The following SHISA9 variants were observed in gnomAD, a reference collection of about 807,000 sequenced individuals.
SHISA9 encodes the protein protein shisa-9.
SHISA9 carries 13 observed loss-of-function variants against 38.0 expected under a neutral mutation model. That is an observed-to-expected ratio of 0.34 (90% CI 0.22 to 0.54). SHISA9 has a LOEUF of 0.54. SHISA9 is among the 20% of genes least tolerant of loss of function. The pLI, the probability that SHISA9 is intolerant of heterozygous loss-of-function variation, is 0.91. For missense variants in SHISA9, 538 were observed against 575.8 expected (o/e 0.93, Z 0.67); for synonymous variants, 275 against 242.0 (o/e 1.14, Z -1.27).
chr16:13,131,057 T>C (rs1265500698), intron 2 of SHISA9, among the ~76,000 whole-genome samples: 3 of 152,170 alleles, frequency 2.0e-5, no homozygotes, highest in African/African-American at 4.8e-5. Context: ...AGTGTGGCGA[T>C]TCCTCAGAGA....
the SHISA9 span, among the ~76,000 whole-genome samples, chr16:13,397,538 G>A: frequency 7.2e-5 from 11 of 152,134 alleles, no homozygotes; most frequent in Non-Finnish European, 8.8e-5. Flanking sequence ...GGGTTCAAGC[G>A]ATTCTCCTGC....
chr16:12,914,255 G>A (rs12928961), intron 1 of SHISA9, among the ~76,000 whole-genome samples: 34,514 of 151,490 alleles, frequency 0.23, 4,780 homozygotes, highest in Non-Finnish European at 0.31. Flanking sequence ...CATGTTGGTC[G>A]GGCTGGTCTC....
chr16:13,240,945 G>A (rs554737510), downstream of SHISA9, among the ~76,000 whole-genome samples: 3 of 152,054 alleles, frequency 2.0e-5, no homozygotes, highest in African/African-American at 7.2e-5. Context: ...AATACTGGGA[G>A]GGGGTGGGAG....
At chr16:13,367,703 C>CGTGCGT in the SHISA9 span, among the ~76,000 whole-genome samples, 1 of 120,710 alleles carries the variant, frequency 8.3e-6, no homozygotes, top group South Asian at 2.8e-4. Flanking sequence ...TGCGTGCGCG[C>CGTGCGT]GCGCGCGCGC....
At chr16:13,349,217 G>A in the SHISA9 span, among the ~76,000 whole-genome samples, 1 of 152,192 alleles carries the variant, frequency 6.6e-6, no homozygotes, top group East Asian at 1.9e-4. Flanking sequence ...AGGTTTGCAA[G>A]GCAGCATCGG....
intron 2 of SHISA9, among the ~76,000 whole-genome samples, chr16:13,145,372 A>C (rs1371621454): frequency 1.3e-5 from 2 of 152,086 alleles, no homozygotes; most frequent in East Asian, 3.9e-4. Flanking sequence ...TAAAAATACA[A>C]AAAAATTAGC....
chr16:13,399,460 C>A, the SHISA9 span, among the ~76,000 whole-genome samples: 1 of 152,118 alleles, frequency 6.6e-6, no homozygotes, highest in African/African-American at 2.4e-5. Flanking sequence ...ACTACATGAA[C>A]TTACTGTCCC....
intron 2 of SHISA9, among the ~76,000 whole-genome samples, chr16:13,125,877 G>C (rs139962068): frequency 9.8e-5 from 15 of 152,304 alleles, no homozygotes; most frequent in African/African-American, 3.4e-4. Context: ...GCATTGATCA[G>C]CTCTGAGGCT....
At chr16:13,394,338 C>A in the SHISA9 span, among the ~76,000 whole-genome samples, 1 of 152,148 alleles carries the variant, frequency 6.6e-6, no homozygotes, top group East Asian at 1.9e-4. Flanking sequence ...GAGGTCTTTG[C>A]TATGCAGAAT....
Position 13,212,201 on chromosome 16 carries a change from AC to A in SHISA9, c.848-1051del, listed in dbSNP as rs2051127539. On this transcript the variant is annotated intron_variant, in intron 3 of 4. Coordinates refer to ENST00000558583, the MANE Select transcript of SHISA9 (RefSeq NM_001145204.3). ...GATATATCTCTGGAAATAGTGCCAA[AC>A]TGTTGAGGACTTGGTCTTTCTAGGT... Among the ~76,000 whole-genome samples the A allele has an allele frequency of 4.6e-5, 7 of 152,232 alleles. No homozygotes were observed. In the South Asian group the frequency reaches 1.5e-3, roughly 32 times the overall value.
chr16:13,071,149 G>A (rs1414363797), intron 2 of SHISA9, among the ~76,000 whole-genome samples: 1 of 152,108 alleles, frequency 6.6e-6, no homozygotes, highest in Non-Finnish European at 1.5e-5. Flanking sequence ...ACAGAGAACC[G>A]TGCCCTTAAA....
the SHISA9 span, among the ~76,000 whole-genome samples, chr16:13,473,846 G>C: frequency 6.6e-6 from 1 of 152,226 alleles, no homozygotes; most frequent in South Asian, 2.1e-4. Context: ...TCTTGCATCT[G>C]ATTTTTTACT....
At chr16:13,497,684 C>CAA in the SHISA9 span, among the ~76,000 whole-genome samples, 1 of 84,872 alleles carries the variant, frequency 1.2e-5, no homozygotes, top group East Asian at 3.2e-4. Flanking sequence ...CACTCCGTCT[C>CAA]CAAAAAAAAA....
At chr16:13,038,681 T>G (rs1048352747) in intron 2 of SHISA9, among the ~76,000 whole-genome samples, 6 of 152,212 alleles carry the variant, frequency 3.9e-5, no homozygotes, top group African/African-American at 1.4e-4. Context: ...CCCTGTATGT[T>G]TCTTTAAACA....
the SHISA9 span, among the ~76,000 whole-genome samples, chr16:13,402,696 G>A: frequency 2.6e-5 from 4 of 152,064 alleles, no homozygotes; most frequent in African/African-American, 9.7e-5. Context: ...ATTTTTAGTA[G>A]AGATGGGGTT....
chr16:13,077,892 T>C (rs2073601934), intron 2 of SHISA9, among the ~76,000 whole-genome samples: 1 of 152,198 alleles, frequency 6.6e-6, no homozygotes, highest in African/African-American at 2.4e-5. Flanking sequence ...CATTTCTTTG[T>C]TTTGATTGCC....
chr16:13,534,326 G>A, the SHISA9 span, among the ~76,000 whole-genome samples: 1 of 150,790 alleles, frequency 6.6e-6, no homozygotes, highest in Non-Finnish European at 1.5e-5. Flanking sequence ...CTGGGCTTAA[G>A]TGATTCTCAT....
At chr16:13,031,080 C>A (rs2072985547) in intron 2 of SHISA9, among the ~76,000 whole-genome samples, 1 of 152,158 alleles carries the variant, frequency 6.6e-6, no homozygotes, top group Non-Finnish European at 1.5e-5. Flanking sequence ...GAGGGGGCTG[C>A]TGTAAGTAAA....
the SHISA9 span, among the ~76,000 whole-genome samples, chr16:13,534,933 C>T: frequency 6.6e-6 from 1 of 152,032 alleles, no homozygotes; most frequent in Admixed American, 6.6e-5. Context: ...TAACATTGCT[C>T]GCCAACCTTT....
Sources: gnomAD v4.1 joint callset for allele counts (sites outside exome capture counted in the v4.1 genomes callset) on GRCh38, gnomAD v4.1.1 for gene constraint, MANE v1.5 for transcripts, NCBI Gene and HGNC (gene_info 2026-07-23, HGNC 2026-07-21) for gene names.